Variants in HEATR3 observed in about 807,000 individuals in gnomAD.
HEATR3 encodes HEAT repeat containing 3.
A neutral mutation model predicts 72.8 loss-of-function variants in HEATR3; 56 were observed. The ratio of observed to expected loss-of-function variants is 0.77; its 90% CI spans 0.62 to 0.96. HEATR3 has a LOEUF of 0.96. Among genes scored for constraint, HEATR3 ranks in the 40% least tolerant of loss-of-function variants. The pLI is 0.00. For missense variants in HEATR3, 747 were observed against 831.4 expected (o/e 0.90, Z 1.25); for synonymous variants, 331 against 318.1 (o/e 1.04, Z -0.43).
chr16:50,088,709 T>C (rs555224319), intron 11 of HEATR3, among the ~76,000 whole-genome samples: 1 of 151,898 alleles, frequency 6.6e-6, no homozygotes, highest in South Asian at 2.1e-4. Context: ...GGGGTGGGAG[T>C]GAGAGGGCTG....
At chr16:50,092,001 A>G (rs1454141567) in intron 11 of HEATR3, among the ~76,000 whole-genome samples, 1 of 152,134 alleles carries the variant, frequency 6.6e-6, no homozygotes, top group African/African-American at 2.4e-5. Context: ...CTTTAATCAT[A>G]TATACACTTT....
chr16:50,101,956 A>T, intron 13 of HEATR3, among the ~76,000 whole-genome samples: 1 of 152,186 alleles, frequency 6.6e-6, no homozygotes, highest in East Asian at 1.9e-4. Flanking sequence ...ATTTCTATGC[A>T]TCTTGACATC....
At chr16:50,072,857 G>A (rs951742219) in intron 5 of HEATR3, 143 bp downstream of exon 5, 1 of 625,514 alleles carries the variant, frequency 1.6e-6, no homozygotes, top group African/African-American at 1.9e-5. Context: ...GTTTTTTCTG[G>A]GTCTTAAATC....
chr16:50,073,938 T>C (rs2036667205), intron 5 of HEATR3: 1 of 152,234 alleles, frequency 6.6e-6, no homozygotes, highest in Admixed American at 6.5e-5. Flanking sequence ...TAAAATGAAC[T>C]TATAAGATTC....
In HEATR3 at chr16:50,084,004, T is replaced by C. The variant is rs138619304; in HGVS notation, c.1109T>C (p.Ile370Thr). Residue 370 changes from isoleucine (I) to threonine (T), a missense_variant, in exon 8 of 15, where the codon ATT becomes ACT. By Grantham distance (89) the Ile-to-Thr change is moderately conservative. This residue lies in a region of HEATR3 where 586 missense variants were observed against 708.8 expected (regional missense o/e 0.83). Transcript: ENST00000299192. ...GCCCAACAGACTGCTCTGGAAATTA[T>C]TGTCAACATGTGCTGCAATGAAGGT... ...LTAQQTALEIIVNMCCNEDPS... is the reference protein window; with the variant it reads ...LTAQQTALEITVNMCCNEDPS... The C allele has an allele frequency of 3.3e-4, 535 of 1,613,964 alleles. 1 individual carries two copies. The highest frequency in any genetic ancestry group is 4.1e-4 in the Non-Finnish European group (481 of 1,180,018).
At chr16:50,093,410 G>A (rs374483028) in intron 11 of HEATR3, among the ~76,000 whole-genome samples, 13 of 152,294 alleles carry the variant, frequency 8.5e-5, no homozygotes, top group African/African-American at 2.9e-4. Context: ...CTAGGCCAGT[G>A]GTTCTCAACC....
At chr16:50,090,661 G>A (rs750666476) in intron 11 of HEATR3, among the ~76,000 whole-genome samples, 66 of 152,102 alleles carry the variant, frequency 4.3e-4, no homozygotes, top group Non-Finnish European at 8.7e-4. Flanking sequence ...ACATCAATGC[G>A]TTTTTTAGCA....
In HEATR3 at chr16:50,090,870, C is replaced by T. The variant is rs575624128; in HGVS notation, c.1511-3835C>T. Among the ~76,000 whole-genome samples the T allele has an allele frequency of 9.9e-5, 15 of 152,162 alleles. No individual in the cohort carries two copies. The South Asian group carries it at 2.5e-3, about 25-fold the overall frequency. The stretch of plus-strand genomic sequence containing the variant: ...TGAAAATTCAGGCTGGGTGGCTGGG[C>T]GCGGTGGCTCACACCTGTAATCCCA... On this transcript the variant is annotated intron_variant, in intron 11 of 14. Coordinates refer to ENST00000299192, the MANE Select transcript of HEATR3 (RefSeq NM_182922.4).
At chr16:50,090,457 A>C (rs2037084795) in intron 11 of HEATR3, among the ~76,000 whole-genome samples, 1 of 152,144 alleles carries the variant, frequency 6.6e-6, no homozygotes, top group African/African-American at 2.4e-5. Context: ...TACTGCTCTA[A>C]CTTGTTTTAA....
chr16:50,075,696 A>T lies in HEATR3; in HGVS notation c.748A>T (p.Lys250Ter). ...PVSSMESLLLKTLVAGTIWNL... is the reference protein window; with the variant it reads ...PVSSMESLLL ...CAGTTCCATGGAATCTCTTCTATTGAAGACATTGGTAGCAGGTAAAATTTA... is the reference window on the plus strand; with the variant it reads ...CAGTTCCATGGAATCTCTTCTATTGTAGACATTGGTAGCAGGTAAAATTTA... The change falls in exon 6 of 15, where the codon AAG becomes TAG. Residue 250 changes from lysine to a stop codon, truncating the protein, a stop_gained. Coordinates refer to ENST00000299192, the MANE Select transcript of HEATR3 (RefSeq NM_182922.4). LOFTEE classifies it high-confidence loss of function. The T allele has an allele frequency of 6.2e-7, 1 of 1,612,886 alleles. No homozygotes were observed. Among genetic ancestry groups the T allele is most frequent in the Non-Finnish European group, 8.5e-7 (1 of 1,179,098 alleles).
intron 11 of HEATR3, among the ~76,000 whole-genome samples, chr16:50,088,562 A>T (rs1478898589): frequency 1.3e-5 from 2 of 152,318 alleles, no homozygotes; most frequent in East Asian, 3.9e-4. Context: ...GTGTGAGCAG[A>T]CCAGATGATG....
chr16:50,078,650 A>G (rs766027830), intron 6 of HEATR3, 91 bp from the exon 7 acceptor site: 16 of 1,289,664 alleles, frequency 1.2e-5, no homozygotes, highest in Non-Finnish European at 1.6e-5. Context: ...TTGAAATTAC[A>G]CTGGCCTTAA....
chr16:50,093,434 C>CCCTCCCA (rs2037163695), intron 11 of HEATR3, among the ~76,000 whole-genome samples: 1 of 152,148 alleles, frequency 6.6e-6, no homozygotes, highest in South Asian at 2.1e-4. Context: ...GCCACTTATC[C>CCCTCCCA]CCTCCCACCT....
At chr16:50,072,569 TGAA>T in intron 4 of HEATR3, 33 bp from the exon 5 acceptor site, 1 of 1,315,410 alleles carries the variant, frequency 7.6e-7, no homozygotes, top group Non-Finnish European at 1.1e-6. Flanking sequence ...TGTTAAAATG[TGAA>T]TAGTAAAACT....
Position 50,086,317 on chromosome 16 carries a change from A to G in HEATR3, c.1476A>G (p.Ala492=), listed in dbSNP as rs1248092426. 2 of 1,598,618 alleles carry G rather than the reference A, an allele frequency of 1.3e-6. No individual in the cohort carries two copies. The highest frequency in any genetic ancestry group is 2.2e-5 in the East Asian group (1 of 44,706). The change falls in exon 11 of 15, where the codon GCA becomes GCG. Residue 492 remains alanine (A), a synonymous_variant. Transcript: ENST00000299192. The part of the protein sequence containing the change: ...LGGAAALQTL[A]QHLSQLLFSQ... ...GAGCCGCAGCCCTTCAGACGCTTGC[A>G]CAGCATCTGTCACAGCTGCTTTTTT...
In HEATR3 at chr16:50,084,299, A is replaced by G; in HGVS notation, c.1290+8A>G. On this transcript the variant is annotated splice_region_variant and intron_variant, in intron 9 of 14. Transcript: ENST00000299192. Reference sequence around the variant, plus strand: ...TACCTCATCCCAAAGAAGGTAATCCATTTTCATTCTAGGCTTACCGTGGAG... The same window carrying G: ...TACCTCATCCCAAAGAAGGTAATCCGTTTTCATTCTAGGCTTACCGTGGAG... 2 of 1,612,116 alleles carry G rather than the reference A, an allele frequency of 1.2e-6. No homozygotes were observed. The highest frequency in any genetic ancestry group is 2.2e-5 in the South Asian group (2 of 90,902).
intron 12 of HEATR3, among the ~76,000 whole-genome samples, chr16:50,095,105 T>G (rs1290497369): frequency 2.0e-5 from 3 of 151,880 alleles, no homozygotes; most frequent in Non-Finnish European, 2.9e-5. Flanking sequence ...CTATCATTGG[T>G]CTTTTTTTTA....
chr16:50,100,376 A>G lies in HEATR3; in HGVS notation c.1743+3A>G. 1.2e-6 allele frequency: 2 copies of G among 1,613,538 alleles called. No homozygotes were observed. Among genetic ancestry groups the G allele is most frequent in the Non-Finnish European group, 1.7e-6 (2 of 1,179,718 alleles). On this transcript the variant is annotated splice_donor_region_variant and intron_variant, in intron 13 of 14. Transcript: ENST00000299192. ...ATGGTACACTTGAAACTCTTAAGGT[A>G]AAACAATTTGCTTCTGACCTAACAT...
At chr16:50,092,436 C>CTTTTTTTTTTTTTTTTTTTTTTTTTTTTT (rs375532097) in intron 11 of HEATR3, among the ~76,000 whole-genome samples, 3 of 106,028 alleles carry the variant, frequency 2.8e-5, no homozygotes, top group Admixed American at 1.3e-4. Flanking sequence ...TTTCTTTTTT[C>CTTTTTTTTTTTTTTTTTTTTTTTTTTTTT]TTTTTTTTTT....
Sources: gnomAD v4.1 joint callset for allele counts (sites outside exome capture counted in the v4.1 genomes callset) on GRCh38, gnomAD v4.1.1 for gene constraint, gnomAD v4.1.1 regional missense constraint, MANE v1.5 for transcripts, NCBI Gene and HGNC (gene_info 2026-07-23, HGNC 2026-07-21) for gene names.